Variants in NR4A1 observed in about 807,000 individuals in gnomAD.
The protein encoded by NR4A1 is nuclear receptor subfamily 4 group A member 1.
Under a neutral mutation model 47.5 loss-of-function variants are expected in NR4A1, and 24 were observed. The ratio of observed to expected loss-of-function variants is 0.50; its 90% confidence interval spans 0.37 to 0.71. The LOEUF is 0.71. Among genes scored for constraint, NR4A1 ranks in the 30% least tolerant of loss-of-function variants. NR4A1 has a pLI of 0.00. For missense variants in NR4A1, 669 were observed against 788.6 expected (o/e 0.85, Z 1.82); for synonymous variants, 353 against 345.7 (o/e 1.02, Z -0.24).
rs1052539959 is a variant in NR4A1, at chr12:52,055,478, G to C, written c.876+274G>C. On this transcript the variant is annotated intron_variant, in intron 2 of 6. Transcript: ENST00000394825. ...GATAGGAGCTGCAGGGGTGCCTGGC[G>C]AGCCTCTGGTTTTCCTCTGCTCCTC... 5 of 581,308 alleles carry C rather than the reference G, an allele frequency of 8.6e-6. No individual in the cohort carries two copies. The African/African-American group carries it at 9.3e-5, about 11-fold the overall frequency. The allele number at this position is 581,308 out of a possible 1,614,324, so 36.0% of individuals were successfully genotyped here. A position where few individuals can be genotyped will look rare whatever the true frequency, so the allele number is the denominator to read the frequency against.
intron 1 of NR4A1, among the ~76,000 whole-genome samples, chr12:52,052,047 T>C (rs1355070042): frequency 6.6e-6 from 1 of 152,190 alleles, no homozygotes. Flanking sequence ...GGTTGTTTTC[T>C]TAACACTTTA....
At chr12:52,028,611 G>A (rs1379157879) in intron 1 of NR4A1, among the ~76,000 whole-genome samples, 1 of 150,808 alleles carries the variant, frequency 6.6e-6, no homozygotes, top group Admixed American at 6.6e-5. Flanking sequence ...CTGCTTAAAA[G>A]ACAAAAAGAC....
chr12:52,047,336 A>T (rs1207991756), upstream of NR4A1, among the ~76,000 whole-genome samples: 1 of 151,882 alleles, frequency 6.6e-6, no homozygotes, highest in Non-Finnish European at 1.5e-5. Flanking sequence ...GCTGGACCCC[A>T]CTCTCTCAGA....
At chr12:52,050,920 G>A (rs1479083838), upstream of NR4A1, among the ~76,000 whole-genome samples, 1 of 152,192 alleles carries the variant, frequency 6.6e-6, no homozygotes, top group Non-Finnish European at 1.5e-5. Flanking sequence ...GGCTTGGGAA[G>A]GTGTAAAGGC....
chr12:52,047,575 GC>G (rs1389415558), upstream of NR4A1, among the ~76,000 whole-genome samples: 1 of 152,244 alleles, frequency 6.6e-6, no homozygotes, highest in Non-Finnish European at 1.5e-5. Flanking sequence ...TGACCAGGTG[GC>G]AGCTGTAGTT....
At chr12:52,032,494 C>T (rs1938147743) in intron 1 of NR4A1, among the ~76,000 whole-genome samples, 1 of 152,178 alleles carries the variant, frequency 6.6e-6, no homozygotes, top group Admixed American at 6.5e-5. Context: ...TATATCCATC[C>T]TATTGGTTCT....
At chr12:52,041,660 C>G in intron 1 of NR4A1, 1 of 868,734 alleles carries the variant, frequency 1.2e-6, no homozygotes, top group Non-Finnish European at 1.5e-6. Context: ...CAATGCCTAA[C>G]CCGGGGAGGT....
chr12:52,058,043 C>T lies in NR4A1; in HGVS notation c.1540+513C>T, dbSNP rs190096538. Among the ~76,000 whole-genome samples the T allele has an allele frequency of 4.1e-3, 626 of 152,216 alleles. 1 individual carries two copies. Among genetic ancestry groups the T allele is most frequent in the Non-Finnish European group, 6.9e-3 (471 of 68,012 alleles). On this transcript the variant is annotated intron_variant, in intron 6 of 6. Transcript: ENST00000394825. ...CTCACTATGTTGCCCGAGCTGGTCT[C>T]GAACTCCTGGGCTCAAATGATCCTC...
intron 1 of NR4A1, among the ~76,000 whole-genome samples, chr12:52,026,749 C>G (rs980012094): frequency 5.9e-5 from 9 of 152,124 alleles, no homozygotes; most frequent in Admixed American, 5.9e-4. Flanking sequence ...GTACAAAGCC[C>G]GCCTAAAGCC....
chr12:52,051,957 G>C (rs1349480416), intron 1 of NR4A1, among the ~76,000 whole-genome samples: 2 of 152,120 alleles, frequency 1.3e-5, no homozygotes, highest in Non-Finnish European at 2.9e-5. Context: ...GCGCTGCTGG[G>C]ATCCGTACGA....
Position 52,057,082 on chromosome 12 carries a change from T to A in NR4A1, c.1184T>A (p.Phe395Tyr). 2 of 1,608,530 alleles carry A rather than the reference T, an allele frequency of 1.2e-6. No homozygotes were observed. Among genetic ancestry groups the A allele is most frequent in the Non-Finnish European group, 1.7e-6 (2 of 1,177,334 alleles). Residue 395 changes from phenylalanine (F) to tyrosine (Y), a missense_variant, in exon 5 of 7, where the codon TTT becomes TAT. Physicochemically the swap from Phe to Tyr is conservative, Grantham distance 22. Transcript: ENST00000394825. ...TTCCAGGAGCTGGTGCTGCCCCACT[T>A]TGGGAAGGAAGATGCTGGGGATGTA... ...SKFQELVLPH[F>Y]GKEDAGDVQQ...
Position 52,059,077 on chromosome 12 carries a change from A to G in NR4A1, c.*133A>G. 1 of 1,215,538 alleles carries G rather than the reference A, an allele frequency of 8.2e-7. No homozygotes were observed. The highest frequency in any genetic ancestry group is 1.1e-6 in the Non-Finnish European group (1 of 892,342). The allele number at this position is 1,215,538 out of a possible 1,614,324, so 75.3% of individuals were successfully genotyped here. ...ATGACTCCACCTTCTCACCTGCTCC[A>G]GGAGGTTTGCAGGGAGCTCAAGCCC... On this transcript the variant is annotated 3_prime_UTR_variant, in exon 7 of 7. Coordinates refer to ENST00000394825, the MANE Select transcript of NR4A1 (RefSeq NM_173157.3).
chr12:52,055,926 C>A (rs1939240496), intron 2 of NR4A1, 104 bp from the exon 3 acceptor site: 1 of 623,950 alleles, frequency 1.6e-6, no homozygotes, highest in Non-Finnish European at 2.5e-6. Flanking sequence ...ACAGAGAGCG[C>A]TTTTGTCTGC....
intron 1 of NR4A1, among the ~76,000 whole-genome samples, chr12:52,031,778 A>ATTTTTT (rs61279135): frequency 4.0e-5 from 5 of 125,876 alleles, no homozygotes; most frequent in African/African-American, 6.2e-5. Context: ...GTGATGGTTA[A>ATTTTTT]TTTTTTTTTT....
At chr12:52,043,104 TG>T (rs1409181841) in intron 2 of NR4A1, among the ~76,000 whole-genome samples, 2 of 152,132 alleles carry the variant, frequency 1.3e-5, no homozygotes, top group Non-Finnish European at 2.9e-5. Context: ...CCTCCTGTTC[TG>T]GGGGCAGGGC....
chr12:52,050,289 C>T (rs1228597667), upstream of NR4A1, among the ~76,000 whole-genome samples: 1 of 152,110 alleles, frequency 6.6e-6, no homozygotes, highest in Non-Finnish European at 1.5e-5. Flanking sequence ...GCTGCCTCCC[C>T]ACAGGTGCTG....
chr12:52,051,863 C>G (rs1340228065), intron 1 of NR4A1, among the ~76,000 whole-genome samples: 1 of 152,062 alleles, frequency 6.6e-6, no homozygotes, highest in Non-Finnish European at 1.5e-5. Flanking sequence ...CCTAGGGTGC[C>G]CAACTGGGCG....
chr12:52,037,951 CT>C (rs1938300191), intron 1 of NR4A1: 1 of 156,582 alleles, frequency 6.4e-6, no homozygotes, highest in African/African-American at 4.7e-5. Flanking sequence ...CTTCCTTATA[CT>C]GGGTGGGGTG....
chr12:52,050,788 T>C (rs1466183201), upstream of NR4A1, among the ~76,000 whole-genome samples: 1 of 152,188 alleles, frequency 6.6e-6, no homozygotes, highest in African/African-American at 2.4e-5. Flanking sequence ...GTGCACTAGC[T>C]GCGCCTAGGG....
Sources: gnomAD v4.1 joint callset for allele counts (sites outside exome capture counted in the v4.1 genomes callset) on GRCh38, gnomAD v4.1.1 for gene constraint, MANE v1.5 for transcripts, NCBI Gene and HGNC (gene_info 2026-07-23, HGNC 2026-07-21) for gene names.